The following WDR17 variants were observed in gnomAD, a reference collection of about 807,000 sequenced individuals.
WDR17 encodes the protein WD repeat-containing protein 17.
In WDR17, 143 loss-of-function variants were observed where a neutral mutation model predicts 161.7. That is an observed-to-expected ratio of 0.88 (90% confidence interval 0.77 to 1.02). The LOEUF (loss-of-function observed/expected upper bound fraction) is 1.02. Ranked by LOEUF, WDR17 falls within the 50% of genes least tolerant of loss-of-function variation. The pLI, the probability that WDR17 is intolerant of heterozygous loss-of-function variation, is 0.00. For synonymous variants in WDR17, 517 were observed against 515.6 expected (o/e 1.00, Z -0.04); for missense variants, 1,469 against 1,520.9 (o/e 0.97, Z 0.57).
intron 1 of WDR17, among the ~76,000 whole-genome samples, chr4:176,086,142 C>T (rs1735387146): frequency 6.6e-6 from 1 of 151,644 alleles, no homozygotes; most frequent in Non-Finnish European, 1.5e-5. Flanking sequence ...TAATTCTATC[C>T]TGATTTTAAA....
At chr4:176,134,344 G>A (rs1024888797) in intron 7 of WDR17, among the ~76,000 whole-genome samples, 4 of 151,748 alleles carry the variant, frequency 2.6e-5, no homozygotes, top group African/African-American at 4.8e-5. Context: ...TAGAAATTTC[G>A]ATTCCCATTC....
intron 4 of WDR17, among the ~76,000 whole-genome samples, chr4:176,120,525 C>G (rs1157884154): frequency 1.3e-5 from 2 of 151,844 alleles, no homozygotes; most frequent in African/African-American, 2.4e-5. Context: ...CATTCTGATG[C>G]CACGGCTCCT....
At chr4:176,136,997 A>AT (rs1390058588) in intron 8 of WDR17, among the ~76,000 whole-genome samples, 8 of 151,602 alleles carry the variant, frequency 5.3e-5, no homozygotes, top group Admixed American at 3.3e-4. Flanking sequence ...ATTTTCACAA[A>AT]TTTTTTTATT....
At chr4:176,089,829 G>T (rs1221402288) in intron 1 of WDR17, among the ~76,000 whole-genome samples, 2 of 152,062 alleles carry the variant, frequency 1.3e-5, no homozygotes, top group East Asian at 3.9e-4. Flanking sequence ...TTTTTCCCTG[G>T]TTCCTAGGGT....
At chr4:176,070,550 G>C (rs950738442) in intron 1 of WDR17, among the ~76,000 whole-genome samples, 4 of 151,632 alleles carry the variant, frequency 2.6e-5, no homozygotes, top group Admixed American at 1.3e-4. Flanking sequence ...TTCTGAGACA[G>C]GGTCTCCTGC....
At chr4:176,104,727 G>A (rs1182255651) in intron 1 of WDR17, among the ~76,000 whole-genome samples, 1 of 151,972 alleles carries the variant, frequency 6.6e-6, no homozygotes, top group African/African-American at 2.4e-5. Flanking sequence ...AAATAAAATA[G>A]CTATAGGATA....
Position 176,125,338 on chromosome 4 carries a change from G to GGATGTTTATA in WDR17, c.774_783dup (p.Thr262AspfsTer24). The GGATGTTTATA allele has an allele frequency of 6.2e-7, 1 of 1,613,992 alleles. No homozygotes were observed. The highest frequency in any genetic ancestry group is 8.5e-7 in the Non-Finnish European group (1 of 1,179,954). ...TTAGCCTGGGTTCCCAGTGCTCCTG[G>GGATGTTTATA]GATGTTTATAACTGGAGGTAAGCTA... On this transcript the variant is annotated frameshift_variant, in exon 5 of 29. Coordinates refer to ENST00000508596, the MANE Select transcript of WDR17 (RefSeq NM_181265.4). LOFTEE classifies it high-confidence loss of function.
rs937966182 is a variant in WDR17 at position 176,160,078 on chromosome 4, T to C, written c.2610T>C (p.His870=). 19 of 1,613,578 alleles carry C rather than the reference T, an allele frequency of 1.2e-5. No homozygotes were observed. The highest frequency in any genetic ancestry group is 1.4e-5 in the Non-Finnish European group (16 of 1,179,728). ...TTGGTGATGTGAAAAAGCTAGTCCA[T>C]TTTTTCATGTCAAGAGGTCAGCTTA... ...IAIGDVKKLV[H]FFMSRGQLKE... The change falls in exon 19 of 29, where the codon CAT becomes CAC. Residue 870 remains histidine (H), a synonymous_variant. Coordinates refer to ENST00000508596, the MANE Select transcript of WDR17 (RefSeq NM_181265.4).
At chr4:176,165,564 A>G (rs1749659146) in intron 22 of WDR17, among the ~76,000 whole-genome samples, 1 of 152,170 alleles carries the variant, frequency 6.6e-6, no homozygotes, top group African/African-American at 2.4e-5. Context: ...CAATTAACAG[A>G]TATTTTGTAT....
chr4:176,167,672 A>AAAC (rs1750071914), intron 22 of WDR17, among the ~76,000 whole-genome samples: 5 of 150,720 alleles, frequency 3.3e-5, no homozygotes, highest in Non-Finnish European at 7.4e-5. Flanking sequence ...AAAAAAAAAA[A>AAAC]CAATATCTTG....
chr4:176,130,730 G>A (rs1743296950), intron 6 of WDR17, among the ~76,000 whole-genome samples: 1 of 146,324 alleles, frequency 6.8e-6, no homozygotes, highest in Non-Finnish European at 1.5e-5. Flanking sequence ...GGGCAACAGA[G>A]CGAGACTCCG....
intron 11 of WDR17, among the ~76,000 whole-genome samples, chr4:176,143,318 A>G (rs555866185): frequency 4.6e-5 from 7 of 152,082 alleles, no homozygotes; most frequent in African/African-American, 9.6e-5. Context: ...ACCTTTTTAT[A>G]TCTCACTTTC....
intron 1 of WDR17, among the ~76,000 whole-genome samples, chr4:176,092,610 G>A (rs1018977060): frequency 6.6e-6 from 1 of 152,072 alleles, no homozygotes; most frequent in Non-Finnish European, 1.5e-5. Context: ...TGTTTGCAGA[G>A]GATATGATCT....
intron 7 of WDR17, among the ~76,000 whole-genome samples, chr4:176,132,310 A>G (rs1743595431): frequency 6.6e-6 from 1 of 152,058 alleles, no homozygotes; most frequent in Non-Finnish European, 1.5e-5. Context: ...AGACTATTAA[A>G]TTTTGTTGAA....
chr4:176,074,992 A>G (rs1733784767), intron 1 of WDR17, among the ~76,000 whole-genome samples: 1 of 151,766 alleles, frequency 6.6e-6, no homozygotes, highest in Non-Finnish European at 1.5e-5. Context: ...TGAGCTGTAT[A>G]TCCTTTTAGT....
chr4:176,170,910 T>C (rs1750646073), intron 23 of WDR17, among the ~76,000 whole-genome samples: 1 of 152,210 alleles, frequency 6.6e-6, no homozygotes, highest in South Asian at 2.1e-4. Flanking sequence ...ACGTCAAAAA[T>C]ACGTTTAACA....
intron 1 of WDR17, among the ~76,000 whole-genome samples, chr4:176,085,480 A>G (rs1735308729): frequency 6.6e-6 from 1 of 152,102 alleles, no homozygotes; most frequent in African/African-American, 2.4e-5. Flanking sequence ...GTAGACTTAT[A>G]TTCATATTCA....
intron 11 of WDR17, among the ~76,000 whole-genome samples, chr4:176,143,071 G>T (rs570850199): frequency 2.6e-5 from 4 of 152,096 alleles, no homozygotes; most frequent in African/African-American, 7.2e-5. Flanking sequence ...TAGAGACGGG[G>T]TTTCTCCATG....
intron 20 of WDR17, among the ~76,000 whole-genome samples, chr4:176,161,338 GT>G (rs1177616077): frequency 1.3e-5 from 2 of 152,178 alleles, no homozygotes; most frequent in African/African-American, 4.8e-5. Context: ...GCTTATTAAT[GT>G]TTTACTCTAA....
Sources: allele counts gnomAD v4.1 joint callset (sites outside exome capture counted in the v4.1 genomes callset), GRCh38; gene constraint gnomAD v4.1.1; transcripts MANE v1.5; gene names NCBI Gene and HGNC (gene_info 2026-07-23, HGNC 2026-07-21).